The following HOXB3 variants were observed in gnomAD, a reference collection of about 807,000 sequenced individuals.
HOXB3 encodes homeobox B3.
HOXB3 carries 17 observed loss-of-function variants against 29.2 expected under a neutral mutation model. The observed-to-expected ratio is 0.58, with a 90% CI of 0.40 to 0.87. The LOEUF is 0.87. Among genes scored for constraint, HOXB3 ranks in the 40% least tolerant of loss-of-function variants. The pLI, the probability that HOXB3 is intolerant of heterozygous loss-of-function variation, is 0.00. For missense variants in HOXB3, 637 were observed against 616.3 expected (o/e 1.03, Z -0.35); for synonymous variants, 317 against 285.9 (o/e 1.11, Z -1.10).
intron 2 of HOXB3, among the ~76,000 whole-genome samples, chr17:48,563,100 C>T (rs2144813490): frequency 6.6e-6 from 1 of 152,288 alleles, no homozygotes; most frequent in African/African-American, 2.4e-5. Flanking sequence ...CCTCAACCAA[C>T]CATACTCACT....
intron 1 of HOXB3, among the ~76,000 whole-genome samples, chr17:48,584,251 G>A (rs1392764975): frequency 6.6e-6 from 1 of 152,226 alleles, no homozygotes; most frequent in Admixed American, 6.5e-5. Context: ...AAGAGAAGGA[G>A]TCAAGATGAA....
At chr17:48,551,491 G>A (rs1258450675) in intron 4 of HOXB3, among the ~76,000 whole-genome samples, 1 of 152,172 alleles carries the variant, frequency 6.6e-6, no homozygotes, top group South Asian at 2.1e-4. Context: ...ATTTTCGCGT[G>A]CGTGCTTTCT....
chr17:48,580,017 C>T (rs762521301), intron 1 of HOXB3: 1 of 452,570 alleles, frequency 2.2e-6, no homozygotes, highest in Non-Finnish European at 4.5e-6. Context: ...GGTTTGAGTG[C>T]TTTGGTTTTA....
rs538887217 is a variant in HOXB3, at chr17:48,550,949, G to C, written c.681C>G (p.Leu227=). ...ACCAGATCTTGATCTGCCGCTCGCT[G>C]AGGTTCAGCAGGTTGGCCATCTCTA... ...RRVEMANLLN[L]SERQIKIWFQ... is the part of the protein sequence containing the mutation. The change falls in exon 5 of 5, where the codon CTC becomes CTG. Residue 227 remains leucine (L), a synonymous_variant. Coordinates refer to ENST00000498678, the MANE Select transcript of HOXB3 (RefSeq NM_001384749.1). 6.2e-7 allele frequency: 1 copy of C among 1,613,966 alleles called. No individual in the cohort carries two copies. The highest frequency in any genetic ancestry group is 2.2e-5 in the East Asian group (1 of 44,850).
intron 2 of HOXB3, chr17:48,557,334 G>A (rs2069027801): frequency 6.6e-6 from 1 of 152,304 alleles, no homozygotes; most frequent in African/African-American, 2.4e-5. Context: ...CACCAGAAGA[G>A]GGAACGGGAC....
intron 1 of HOXB3, chr17:48,577,870 C>A: frequency 7.1e-7 from 1 of 1,400,320 alleles, no homozygotes; most frequent in Non-Finnish European, 9.3e-7. Context: ...CACCCGTGCT[C>A]ACGTGAACTT....
chr17:48,571,537 C>T (rs2555111), intron 2 of HOXB3, among the ~76,000 whole-genome samples: 57,313 of 152,056 alleles, frequency 0.38, 13,267 homozygotes, highest in Non-Finnish European at 0.51. Flanking sequence ...TGGCAGTTCC[C>T]CTTAGTGAAC....
chr17:48,572,445 C>T (rs747454056), intron 2 of HOXB3, among the ~76,000 whole-genome samples: 20 of 152,200 alleles, frequency 1.3e-4, no homozygotes, highest in African/African-American at 4.3e-4. Context: ...CCTTTCTCTC[C>T]TCGCAGCCCA....
intron 1 of HOXB3, chr17:48,577,154 G>T: frequency 7.8e-6 from 7 of 896,058 alleles, no homozygotes; most frequent in Non-Finnish European, 1.2e-5. Context: ...GGGAGAGCGG[G>T]GAAAAACGAA....
At chr17:48,577,473 G>A (rs1156603153) in intron 1 of HOXB3, among the ~76,000 whole-genome samples, 2 of 152,162 alleles carry the variant, frequency 1.3e-5, no homozygotes, top group Non-Finnish European at 2.9e-5. Flanking sequence ...CAGACTGGAA[G>A]AAAGGAAAAA....
At chr17:48,564,178 G>A (rs1054694235) in intron 2 of HOXB3, among the ~76,000 whole-genome samples, 1 of 151,936 alleles carries the variant, frequency 6.6e-6, no homozygotes. Flanking sequence ...ACCCCCGCCA[G>A]GCCCCGAGCG....
Position 48,550,622 on chromosome 17 carries a change from G to T in HOXB3, c.1008C>A (p.Ala336=). 1 of 1,522,048 alleles carries T rather than the reference G, an allele frequency of 6.6e-7. No individual in the cohort carries two copies. 94.3% of individuals were successfully genotyped at this position (1,522,048 alleles called of 1,614,324 possible). The change falls in exon 5 of 5, where the codon GCC becomes GCA. Residue 336 remains alanine, a synonymous_variant. Coordinates refer to ENST00000498678, the MANE Select transcript of HOXB3 (RefSeq NM_001384749.1). ...TGGGCGTCCCGTAGGCGCCCCCGTT[G>T]GCTTGGAGGACGTGCGGCTCATACT... is the stretch of plus-strand genomic sequence containing the variant. ...APEYEPHVLQ[A]NGGAYGTPTM... is the part of the protein sequence containing the mutation.
chr17:48,578,154 G>A (rs763612698), intron 1 of HOXB3: 1 of 1,593,844 alleles, frequency 6.3e-7, no homozygotes, highest in South Asian at 1.1e-5. Context: ...GCCGCGCGCC[G>A]CCCGAAGCCC....
At chr17:48,585,075 G>C (rs1330285365) in intron 1 of HOXB3, among the ~76,000 whole-genome samples, 1 of 151,838 alleles carries the variant, frequency 6.6e-6, no homozygotes, top group African/African-American at 2.4e-5. Flanking sequence ...GAAACCCCAG[G>C]GCAAAACGCT....
intron 1 of HOXB3, chr17:48,582,053 C>T (rs751575452): frequency 6.6e-6 from 1 of 152,410 alleles, no homozygotes; most frequent in African/African-American, 2.4e-5. Context: ...GCTTCCCAGC[C>T]GCCTTCTCCT....
chr17:48,555,337 A>AGAGAGG lies in HOXB3; in HGVS notation c.-159+193_-159+194insCCTCTC, dbSNP rs1555636180. The AGAGAGG allele has an allele frequency of 9.4e-4, 329 of 348,872 alleles. No individual in the cohort carries two copies. The African/African-American group carries it at 0.015, about 16-fold the overall frequency. 21.6% of individuals were successfully genotyped at this position (348,872 alleles called of 1,614,324 possible). A position where few individuals can be genotyped will look rare whatever the true frequency, so the allele number is the denominator to read the frequency against. On this transcript the variant is annotated intron_variant, in intron 3 of 4. Coordinates refer to ENST00000498678, the MANE Select transcript of HOXB3 (RefSeq NM_001384749.1). Reference sequence around the variant, plus strand: ...GAAGAGAGAGGGGAGAGAGAGAGGGAGAGAGAGAGAGAGAGAGAGAGAGAG... The same window carrying AGAGAGG: ...GAAGAGAGAGGGGAGAGAGAGAGGGAGAGAGGGAGAGAGAGAGAGAGAGAGAGAGAG...
At chr17:48,567,487 A>G (rs951640218) in intron 2 of HOXB3, among the ~76,000 whole-genome samples, 2 of 152,114 alleles carry the variant, frequency 1.3e-5, no homozygotes, top group Non-Finnish European at 2.9e-5. Context: ...ATCCATCACA[A>G]CTTTGGGGCA....
intron 2 of HOXB3, among the ~76,000 whole-genome samples, chr17:48,557,844 A>G (rs2069048382): frequency 6.6e-6 from 1 of 152,162 alleles, no homozygotes; most frequent in Non-Finnish European, 1.5e-5. Context: ...CCAGCCTGGA[A>G]CCCCAAAGAG....
At chr17:48,562,020 A>C (rs569556900) in intron 2 of HOXB3, among the ~76,000 whole-genome samples, 7 of 152,240 alleles carry the variant, frequency 4.6e-5, no homozygotes, top group African/African-American at 1.7e-4. Context: ...TTGAGGTTTA[A>C]ATGCTTACCA....
Sources: allele counts gnomAD v4.1 joint callset (sites outside exome capture counted in the v4.1 genomes callset), GRCh38; gene constraint gnomAD v4.1.1; transcripts MANE v1.5; gene names NCBI Gene and HGNC (gene_info 2026-07-23, HGNC 2026-07-21).